Variants in FAM78B observed in about 807,000 individuals in gnomAD.
The protein encoded by FAM78B is protein FAM78B.
A neutral mutation model predicts 20.0 loss-of-function variants in FAM78B; 10 were observed. The ratio of observed to expected loss-of-function variants is 0.50; its 90% CI spans 0.31 to 0.85. The LOEUF (loss-of-function observed/expected upper bound fraction) is 0.85, where lower values mean the gene tolerates loss of function less well. Among genes scored for constraint, FAM78B ranks in the 40% least tolerant of loss-of-function variants. The probability of loss-of-function intolerance (pLI) is 0.05; values close to 1 mark genes in which losing one functional copy is unlikely to be tolerated. For synonymous variants in FAM78B, 135 were observed against 132.8 expected (o/e 1.02, Z -0.12); for missense variants, 283 against 345.0 (o/e 0.82, Z 1.42).
At chr1:166,104,605 T>C (rs1170777012) in intron 1 of FAM78B, among the ~76,000 whole-genome samples, 2 of 152,170 alleles carry the variant, frequency 1.3e-5, no homozygotes, top group Non-Finnish European at 2.9e-5. Context: ...CCATTCACAA[T>C]TGCTTCAAAG....
At chr1:166,083,587 C>A (rs546069417) in intron 1 of FAM78B, among the ~76,000 whole-genome samples, 1 of 152,322 alleles carries the variant, frequency 6.6e-6, no homozygotes, top group Non-Finnish European at 1.5e-5. Context: ...TCACTGCAAC[C>A]TCTGCCTCTT....
intron 1 of FAM78B, among the ~76,000 whole-genome samples, chr1:166,073,384 C>G (rs901577633): frequency 2.0e-5 from 3 of 152,152 alleles, no homozygotes; most frequent in Admixed American, 2.0e-4. Context: ...AGCCAAAATT[C>G]ATTACGATTT....
chr1:166,089,595 T>C (rs1247088045), intron 1 of FAM78B, among the ~76,000 whole-genome samples: 3 of 151,808 alleles, frequency 2.0e-5, no homozygotes, highest in Admixed American at 6.6e-5. Context: ...CCATGAAGCA[T>C]GGCCTGTTTT....
intron 1 of FAM78B, among the ~76,000 whole-genome samples, chr1:166,127,625 T>C (rs142260861): frequency 3.9e-5 from 6 of 152,318 alleles, no homozygotes; most frequent in Admixed American, 2.0e-4. Flanking sequence ...CTAGTAGAAA[T>C]TGAATTTGTT....
At chr1:166,158,592 T>C (rs1025778804) in intron 1 of FAM78B, among the ~76,000 whole-genome samples, 2 of 152,060 alleles carry the variant, frequency 1.3e-5, no homozygotes, top group African/African-American at 4.8e-5. Flanking sequence ...CCAAACAGCA[T>C]CTCCAGACGT....
chr1:166,112,161 C>A (rs1433030399), intron 1 of FAM78B, among the ~76,000 whole-genome samples: 2 of 152,188 alleles, frequency 1.3e-5, no homozygotes, highest in Admixed American at 1.3e-4. Flanking sequence ...TGGTCATTCC[C>A]ATCTTCAAAA....
chr1:166,131,557 C>T (rs904885520), intron 1 of FAM78B, among the ~76,000 whole-genome samples: 3 of 152,096 alleles, frequency 2.0e-5, no homozygotes, highest in African/African-American at 4.8e-5. Context: ...TTTCCTGGTA[C>T]GTGTGTCTGT....
chr1:166,123,169 T>C (rs1156335988), intron 1 of FAM78B, among the ~76,000 whole-genome samples: 1 of 152,260 alleles, frequency 6.6e-6, no homozygotes, highest in East Asian at 1.9e-4. Flanking sequence ...CAGATGTCTC[T>C]GGCTGCCTCT....
chr1:166,093,118 T>C (rs543529198), intron 1 of FAM78B, among the ~76,000 whole-genome samples: 8 of 152,346 alleles, frequency 5.3e-5, no homozygotes, highest in Admixed American at 2.6e-4. Flanking sequence ...TTGTTTGGAA[T>C]AGAAAACGCT....
chr1:166,121,730 G>A (rs1159532440), intron 1 of FAM78B, among the ~76,000 whole-genome samples: 1 of 152,182 alleles, frequency 6.6e-6, no homozygotes, highest in Non-Finnish European at 1.5e-5. Flanking sequence ...AACTCTATGA[G>A]GTAGGTACTA....
chr1:166,106,594 G>C (rs1557901911), intron 1 of FAM78B, among the ~76,000 whole-genome samples: 1 of 152,068 alleles, frequency 6.6e-6, no homozygotes, highest in African/African-American at 2.4e-5. Context: ...GCATTTAAGG[G>C]CATTTAAGTG....
At chr1:166,059,316 G>C (rs1651481565) in exon 3 of FAM78B, 1 of 152,806 alleles carries the variant, frequency 6.5e-6, no homozygotes, top group South Asian at 2.1e-4. Flanking sequence ...GGAGGAACGG[G>C]AAGAGGACTC....
chr1:166,119,191 A>G (rs1311925945), intron 1 of FAM78B, among the ~76,000 whole-genome samples: 1 of 152,180 alleles, frequency 6.6e-6, no homozygotes, highest in African/African-American at 2.4e-5. Context: ...TTTCCAACAA[A>G]AGGACACATT....
At chr1:166,064,518 T>C (rs1367411980), downstream of FAM78B, among the ~76,000 whole-genome samples, 1 of 152,140 alleles carries the variant, frequency 6.6e-6, no homozygotes, top group Non-Finnish European at 1.5e-5. Context: ...CAGCTACACA[T>C]TCTTTCTAGA....
At chr1:166,103,100 G>T (rs1042211656) in intron 1 of FAM78B, among the ~76,000 whole-genome samples, 2 of 152,226 alleles carry the variant, frequency 1.3e-5, no homozygotes, top group Non-Finnish European at 2.9e-5. Context: ...GCTCCTGAAT[G>T]ACTATTGGGT....
chr1:166,112,768 C>A (rs904313860), intron 1 of FAM78B, among the ~76,000 whole-genome samples: 2 of 152,154 alleles, frequency 1.3e-5, no homozygotes, highest in African/African-American at 4.8e-5. Context: ...CATGCCAGGC[C>A]CTGTGTAAAT....
chr1:166,136,927 T>G (rs1238462073), intron 1 of FAM78B, among the ~76,000 whole-genome samples: 1 of 152,208 alleles, frequency 6.6e-6, no homozygotes, highest in Non-Finnish European at 1.5e-5. Context: ...GCTAACTGAA[T>G]GCACTCGTAT....
At chr1:166,158,702 C>A (rs1396320073) in intron 1 of FAM78B, among the ~76,000 whole-genome samples, 1 of 152,242 alleles carries the variant, frequency 6.6e-6, no homozygotes, top group Non-Finnish European at 1.5e-5. Context: ...TTAAATACCA[C>A]ACTGATTTGG....
At chr1:166,161,322 A>T (rs1656142066) in intron 1 of FAM78B, among the ~76,000 whole-genome samples, 1 of 152,074 alleles carries the variant, frequency 6.6e-6, no homozygotes, top group Admixed American at 6.6e-5. Context: ...ACTTTTTGGA[A>T]TTTTTAGTAG....
Sources: allele counts gnomAD v4.1 joint callset (sites outside exome capture counted in the v4.1 genomes callset), GRCh38; gene constraint gnomAD v4.1.1; transcripts MANE v1.5; gene names NCBI Gene and HGNC (gene_info 2026-07-23, HGNC 2026-07-21).